The following SLCO2A1 variants were observed in gnomAD, a reference collection of about 807,000 sequenced individuals.
The protein encoded by SLCO2A1 is matrin F/G 1.
Under a neutral mutation model 71.7 loss-of-function variants are expected in SLCO2A1, and 60 were observed. The observed-to-expected ratio is 0.84, with a 90% confidence interval of 0.68 to 1.04. The LOEUF (loss-of-function observed/expected upper bound fraction) is 1.04, where lower values mean the gene tolerates loss of function less well. Ranked by LOEUF, SLCO2A1 falls within the 50% of genes least tolerant of loss-of-function variation. The pLI, the probability that SLCO2A1 is intolerant of heterozygous loss-of-function variation, is 0.00. For synonymous variants in SLCO2A1, 308 were observed against 326.7 expected, an observed-to-expected ratio of 0.94 and a Z score of 0.62; for missense variants, 745 against 813.4, an observed-to-expected ratio of 0.92 and a Z score of 1.02.
rs779876129 is a variant in SLCO2A1, at chr3:133,938,378, T to C, written c.1690+51A>G. ...CTACCCTGCACCCATAGCCTTCAGA[T>C]GCCCCATCGCCTGGGGCCACTTCTT... On this transcript the variant is annotated intron_variant, in intron 12 of 13. Transcript: ENST00000310926. 1.1e-5 allele frequency: 16 copies of C among 1,476,752 alleles called. No individual in the cohort carries two copies. In the Admixed American group the frequency reaches 2.3e-4, roughly 22 times the overall value. The allele number at this position is 1,476,752 out of a possible 1,614,324, so 91.5% of individuals were successfully genotyped here.
At chr3:133,945,313 C>T in intron 9 of SLCO2A1, 53 bp from the exon 10 acceptor site, 1 of 1,535,364 alleles carries the variant, frequency 6.5e-7, no homozygotes, top group South Asian at 1.3e-5. Flanking sequence ...CAAAGAAAAA[C>T]CCTACACTCC....
At chr3:133,938,356 C>A in intron 12 of SLCO2A1, 73 bp downstream of exon 12, 1 of 1,316,964 alleles carries the variant, frequency 7.6e-7, no homozygotes. Context: ...TCCATCGCTA[C>A]CCTGCACCCA....
rs763065956 is a variant in SLCO2A1 at position 133,948,908 on chromosome 3, C to T, written c.925G>A (p.Val309Met). The change falls in exon 7 of 14, where the codon GTG becomes ATG. Residue 309 changes from valine (V) to methionine (M), a missense_variant. Coordinates refer to ENST00000310926, the MANE Select transcript of SLCO2A1 (RefSeq NM_005630.3). ...GGTCAGTTACGTTTAATGAAATCCACCAGGGAGCCTCTTGACTTGGCCTCC... is the reference window on the plus strand; with the variant it reads ...GGTCAGTTACGTTTAATGAAATCCATCAGGGAGCCTCTTGACTTGGCCTCC... ...LEEAKSRGSL[V>M]DFIKRFPCIF... The T allele has an allele frequency of 1.2e-6, 2 of 1,614,138 alleles. No individual in the cohort carries two copies. The highest frequency in any genetic ancestry group is 1.7e-6 in the Non-Finnish European group (2 of 1,179,966).
At chr3:133,955,366 A>G in intron 3 of SLCO2A1, 173 bp from the exon 4 acceptor site, 3 of 595,850 alleles carry the variant, frequency 5.0e-6, no homozygotes, top group South Asian at 4.1e-5. Flanking sequence ...TCTGGCCAGC[A>G]GGAGGGACTC....
At chr3:133,977,774 C>T (rs11921523) in intron 2 of SLCO2A1, among the ~76,000 whole-genome samples, 1 of 152,052 alleles carries the variant, frequency 6.6e-6, no homozygotes, top group Admixed American at 6.5e-5. Flanking sequence ...AGGGGAATTA[C>T]CAAAGTCAGA....
chr3:134,015,458 G>A (rs77439686), intron 1 of SLCO2A1, among the ~76,000 whole-genome samples: 2,239 of 151,890 alleles, frequency 0.015, 63 homozygotes, highest in African/African-American at 0.052. Context: ...GGGGGAAATG[G>A]GGAGTGGTTG....
Position 134,006,084 on chromosome 3 carries a change from A to G in SLCO2A1, c.96+23623T>C, listed in dbSNP as rs1935209058. Among the ~76,000 whole-genome samples, 3 of 151,956 alleles carry G rather than the reference A, an allele frequency of 2.0e-5. No individual in the cohort carries two copies. The South Asian group carries it at 6.2e-4, about 32-fold the overall frequency. On this transcript the variant is annotated intron_variant, in intron 1 of 13. Transcript: ENST00000310926. ...CCTTTTTTATTAATACTATTTTTTG[A>G]GACAGAGTCTTGCCTGGGCTGGAGT...
chr3:133,964,774 C>T (rs1013789986), intron 3 of SLCO2A1, among the ~76,000 whole-genome samples: 1 of 152,232 alleles, frequency 6.6e-6, no homozygotes, highest in African/African-American at 2.4e-5. Context: ...ATTGAGGAGG[C>T]TGTGCTATGA....
chr3:133,951,383 C>T, intron 5 of SLCO2A1, 39 bp from the exon 6 acceptor site: 2 of 1,609,558 alleles, frequency 1.2e-6, no homozygotes, highest in Non-Finnish European at 1.7e-6. Context: ...TTGTTGAATG[C>T]ATGATCTCAC....
rs73861268 is a variant in SLCO2A1 at position 133,945,018 on chromosome 3, A to G, written c.1461+77T>C. 3.9e-3 allele frequency: 5,838 copies of G among 1,496,754 alleles called. 188 individuals are homozygous for G. In the African/African-American group the frequency reaches 0.068, roughly 17 times the overall value. The allele number at this position is 1,496,754 out of a possible 1,614,324, so 92.7% of individuals were successfully genotyped here. ...AGCCCTGCCTATCCTGGAGCCGAGA[A>G]ACAGTCTTTGAGGGCATGCGCTGAG... On this transcript the variant is annotated intron_variant, in intron 10 of 13. Transcript: ENST00000310926.
At chr3:134,028,374 G>A (rs771415728) in intron 1 of SLCO2A1, among the ~76,000 whole-genome samples, 4 of 152,284 alleles carry the variant, frequency 2.6e-5, no homozygotes, top group Admixed American at 1.3e-4. Context: ...CCAAAACTGC[G>A]CACAACATTT....
chr3:133,978,726 G>A (rs1576444002), intron 2 of SLCO2A1, among the ~76,000 whole-genome samples: 1 of 152,128 alleles, frequency 6.6e-6, no homozygotes, highest in Admixed American at 6.5e-5. Flanking sequence ...GAAGATGGAA[G>A]CCAGCCCAGG....
rs796569155 is a variant in SLCO2A1 at position 133,969,554 on chromosome 3, CT to C, written c.397+4108del. ...AGCATGTGCCATAATGCCCGGCTAA[CT>C]TTTTTTTTTTTGTAGAGATGGGGTC... On this transcript the variant is annotated intron_variant, in intron 3 of 13. Coordinates refer to ENST00000310926, the MANE Select transcript of SLCO2A1 (RefSeq NM_005630.3). Among the ~76,000 whole-genome samples the C allele has an allele frequency of 6.8e-3, 999 of 147,058 alleles. 4 individuals carry two copies. The highest frequency in any genetic ancestry group is 0.01 in the Non-Finnish European group (689 of 66,372).
chr3:134,001,251 C>T (rs928157933), intron 1 of SLCO2A1, among the ~76,000 whole-genome samples: 6 of 152,134 alleles, frequency 3.9e-5, no homozygotes, highest in Admixed American at 1.3e-4. Context: ...GCTGGGACTA[C>T]AGACCCACGC....
rs1228134513 is a variant in SLCO2A1, at chr3:133,934,519, C to T, written c.*194G>A. The T allele has an allele frequency of 2.1e-5, 11 of 513,694 alleles. No homozygotes were observed. The highest frequency in any genetic ancestry group is 3.9e-5 in the African/African-American group (2 of 51,538). 31.8% of individuals were successfully genotyped at this position (513,694 alleles called of 1,614,324 possible). A position where few individuals can be genotyped will look rare whatever the true frequency, so the allele number is the denominator to read the frequency against. On this transcript the variant is annotated 3_prime_UTR_variant, in exon 14 of 14. Transcript: ENST00000310926. ...CCCCCCAGTTCTGGCCCACACAGCC[C>T]GGGTACACAGTGGCCCTTAGGAACT...
Position 133,945,223 on chromosome 3 carries a change from G to A in SLCO2A1, c.1333C>T (p.Arg445Cys), listed in dbSNP as rs146970901. 1.6e-3 allele frequency: 2,502 copies of A among 1,613,554 alleles called. 13 individuals are homozygous for A. Among genetic ancestry groups the A allele is most frequent in the African/African-American group, 1.3e-3 (94 of 75,014 alleles). Residue 445 changes from arginine (R) to cysteine (C), a missense_variant, in exon 10 of 14, where the codon CGC (arginine) becomes TGC (cysteine). Arg to Cys is a radical substitution (Grantham distance 180). Coordinates refer to ENST00000310926, the MANE Select transcript of SLCO2A1 (RefSeq NM_005630.3). ...GAATCTGGGCACGAGCAGTCCCTGC[G>A]GCAGGCAGGAGACTGCGGATGTATA... ...SSIHPQSPAC[R>C]RDCSCPDSIF...
chr3:134,023,148 A>C (rs1407691947), intron 1 of SLCO2A1, among the ~76,000 whole-genome samples: 2 of 151,466 alleles, frequency 1.3e-5, no homozygotes, highest in African/African-American at 4.9e-5. Flanking sequence ...AAACAAACAA[A>C]CAAACAAAAG....
intron 1 of SLCO2A1, among the ~76,000 whole-genome samples, chr3:134,006,790 A>C (rs1195013345): frequency 6.6e-6 from 1 of 152,216 alleles, no homozygotes; most frequent in Non-Finnish European, 1.5e-5. Context: ...ACATAACTGC[A>C]CAAATATCTC....
intron 5 of SLCO2A1, among the ~76,000 whole-genome samples, chr3:133,952,743 G>A (rs1933776634): frequency 6.6e-6 from 1 of 152,178 alleles, no homozygotes; most frequent in Non-Finnish European, 1.5e-5. Flanking sequence ...GGCTTGTTCT[G>A]ATCTTTAAAA....
Sources: allele counts gnomAD v4.1 joint callset (sites outside exome capture counted in the v4.1 genomes callset), GRCh38; gene constraint gnomAD v4.1.1; transcripts MANE v1.5; gene names NCBI Gene and HGNC (gene_info 2026-07-23, HGNC 2026-07-21).